Variants in FPR3 observed in about 807,000 individuals in gnomAD.
The protein encoded by FPR3 is formyl peptide receptor 3, also known as N-formyl peptide receptor 3.
For synonymous variants in FPR3, 135 were observed against 163.6 expected (o/e 0.83, Z 1.34); for missense variants, 346 against 443.2 (o/e 0.78, Z 1.97).
chr19:51,812,131 T>A (rs962116322), intron 1 of FPR3, among the ~76,000 whole-genome samples: 1 of 152,202 alleles, frequency 6.6e-6, no homozygotes, highest in Non-Finnish European at 1.5e-5. Flanking sequence ...GAGGTAGACA[T>A]AATAAATAAT....
At chr19:51,814,788 C>T (rs903972534) in intron 1 of FPR3, among the ~76,000 whole-genome samples, 2 of 148,824 alleles carry the variant, frequency 1.3e-5, no homozygotes, top group African/African-American at 5.0e-5. Flanking sequence ...CCACTGCACT[C>T]GGCCTAAAAA....
At chr19:51,802,913 A>G (rs958594972) in intron 1 of FPR3, among the ~76,000 whole-genome samples, 1 of 152,134 alleles carries the variant, frequency 6.6e-6, no homozygotes, top group Non-Finnish European at 1.5e-5. Flanking sequence ...CAAACTTCAT[A>G]TGGTTCCTTT....
At chr19:51,814,228 C>T (rs185384877) in intron 1 of FPR3, among the ~76,000 whole-genome samples, 35 of 152,258 alleles carry the variant, frequency 2.3e-4, no homozygotes, top group Admixed American at 1.6e-3. Flanking sequence ...TTGTTTCAGC[C>T]GGAGGACAAT....
chr19:51,816,894 A>C (rs2084141248), intron 1 of FPR3, among the ~76,000 whole-genome samples: 1 of 152,242 alleles, frequency 6.6e-6, no homozygotes, highest in South Asian at 2.1e-4. Context: ...GTATGTGTGT[A>C]AATAGAGAAG....
chr19:51,821,413 G>A (rs2084188365), intron 1 of FPR3, among the ~76,000 whole-genome samples: 1 of 152,144 alleles, frequency 6.6e-6, no homozygotes, highest in Non-Finnish European at 1.5e-5. Context: ...GTTGCTACTA[G>A]CATCGGTGGA....
rs1185195948 is a variant in FPR3, at chr19:51,824,764, C to A, written c.1016C>A (p.Thr339Asn). Residue 339 changes from threonine to asparagine, a missense_variant, in exon 2 of 2, where the codon ACC becomes AAC. Physicochemically the swap from Thr to Asn is moderately conservative, Grantham distance 65. Coordinates refer to ENST00000339223, the MANE Select transcript of FPR3 (RefSeq NM_002030.5). This position sits in a 1 kb window ranked among gnomAD's most constrained non-coding sequence, Gnocchi z 4.7. ...PDSAQTSNTD[T>N]TSASPPEETE... is the part of the protein sequence containing the mutation. The stretch of plus-strand genomic sequence containing the variant: ...TCAGCCCAGACCAGCAACACAGACA[C>A]CACTTCTGCTTCACCTCCTGAGGAG... The A allele has an allele frequency of 6.2e-7, 1 of 1,613,904 alleles. No homozygotes were observed. Among genetic ancestry groups the A allele is most frequent in the East Asian group, 2.2e-5 (1 of 44,824 alleles).
chr19:51,815,148 C>A (rs553755635), intron 1 of FPR3, among the ~76,000 whole-genome samples: 49 of 152,202 alleles, frequency 3.2e-4, no homozygotes, highest in African/African-American at 1.1e-3. Context: ...GGGCGAGGTC[C>A]CTTGATAGGC....
At chr19:51,811,135 G>A (rs1056587467) in intron 1 of FPR3, among the ~76,000 whole-genome samples, 1 of 152,180 alleles carries the variant, frequency 6.6e-6, no homozygotes, top group African/African-American at 2.4e-5. Flanking sequence ...AATGGCAGAA[G>A]TACAGTATGA....
intron 1 of FPR3, among the ~76,000 whole-genome samples, chr19:51,818,549 G>A (rs977913893): frequency 2.0e-5 from 3 of 152,172 alleles, no homozygotes; most frequent in Non-Finnish European, 2.9e-5. Context: ...CTGGACCTGG[G>A]GCAGCTGTTT....
chr19:51,820,317 C>A (rs2084178938), intron 1 of FPR3, among the ~76,000 whole-genome samples: 1 of 152,172 alleles, frequency 6.6e-6, no homozygotes, highest in Non-Finnish European at 1.5e-5. Flanking sequence ...AAGTCACTTC[C>A]CCTCTCTGAG....
At chr19:51,814,282 G>A (rs1472277400) in intron 1 of FPR3, among the ~76,000 whole-genome samples, 2 of 152,120 alleles carry the variant, frequency 1.3e-5, no homozygotes, top group Non-Finnish European at 2.9e-5. Context: ...CATCTCCTCC[G>A]ATTTAGACCT....
At chr19:51,802,660 G>A (rs1351621385) in intron 1 of FPR3, among the ~76,000 whole-genome samples, 1 of 152,150 alleles carries the variant, frequency 6.6e-6, no homozygotes, top group Non-Finnish European at 1.5e-5. Context: ...ATATTAAAGG[G>A]AAAACTTAAT....
intron 1 of FPR3, among the ~76,000 whole-genome samples, chr19:51,821,366 T>A (rs961175148): frequency 6.6e-6 from 1 of 152,118 alleles, no homozygotes; most frequent in Non-Finnish European, 1.5e-5. Context: ...TTTGACAATG[T>A]CTATAGACAC....
chr19:51,821,359 G>A (rs2084187626), intron 1 of FPR3, among the ~76,000 whole-genome samples: 1 of 152,122 alleles, frequency 6.6e-6, no homozygotes, highest in Non-Finnish European at 1.5e-5. Flanking sequence ...CGGGACCTTT[G>A]ACAATGTCTA....
intron 1 of FPR3, among the ~76,000 whole-genome samples, chr19:51,813,767 C>CTCG (rs1342371338): frequency 1.3e-5 from 2 of 152,154 alleles, no homozygotes; most frequent in African/African-American, 4.8e-5. Flanking sequence ...ATCTCCTGAC[C>CTCG]TCGTGATCCA....
chr19:51,816,876 T>C (rs2084141131), intron 1 of FPR3, among the ~76,000 whole-genome samples: 1 of 152,228 alleles, frequency 6.6e-6, no homozygotes, highest in Non-Finnish European at 1.5e-5. Flanking sequence ...ACACATATGC[T>C]GTTAGAAGTA....
At chr19:51,820,115 G>A (rs2084177180) in intron 1 of FPR3, among the ~76,000 whole-genome samples, 1 of 152,220 alleles carries the variant, frequency 6.6e-6, no homozygotes, top group Non-Finnish European at 1.5e-5. Flanking sequence ...TCAGCTGAGA[G>A]TGGAATAGTA....
intron 1 of FPR3, 102 bp downstream of exon 1, chr19:51,795,433 T>A (rs2083990206): frequency 6.6e-6 from 1 of 151,158 alleles, no homozygotes; most frequent in South Asian, 2.1e-4. Context: ...AGAATCCACT[T>A]CGTTAGTATG....
intron 1 of FPR3, among the ~76,000 whole-genome samples, chr19:51,807,927 A>G (rs2084071025): frequency 6.6e-6 from 1 of 152,212 alleles, no homozygotes; most frequent in Non-Finnish European, 1.5e-5. Flanking sequence ...CAAGGTTTTG[A>G]CTGTTTGATT....
Sources: allele counts gnomAD v4.1 joint callset (sites outside exome capture counted in the v4.1 genomes callset), GRCh38; gene constraint gnomAD v4.1.1; non-coding constraint Gnocchi (gnomAD v3.1); transcripts MANE v1.5; gene names NCBI Gene and HGNC (gene_info 2026-07-23, HGNC 2026-07-21).